Variants in GSE1 observed in about 807,000 individuals in gnomAD.
GSE1 encodes genetic suppressor element 1.
Under a neutral mutation model 112.6 loss-of-function variants are expected in GSE1, and 32 were observed. The observed-to-expected ratio is 0.28, with a 90% CI of 0.21 to 0.38. The LOEUF (loss-of-function observed/expected upper bound fraction) is 0.38, where lower values mean the gene tolerates loss of function less well. Ranked by LOEUF, GSE1 falls within the 10% of genes least tolerant of loss-of-function variation. The pLI is 1.00. For synonymous variants in GSE1, 1,115 were observed against 735.6 expected (o/e 1.52, Z -8.35); for missense variants, 2,348 against 1,699.2 (o/e 1.38, Z -6.71).
chr16:85,395,968 G>A (rs565851935), intron 2 of GSE1, among the ~76,000 whole-genome samples: 2 of 152,348 alleles, frequency 1.3e-5, no homozygotes, highest in African/African-American at 2.4e-5. Flanking sequence ...TCCCCCGGCT[G>A]GTATGTCCTC....
intron 2 of GSE1, among the ~76,000 whole-genome samples, chr16:85,510,408 G>A (rs980053402): frequency 1.8e-4 from 6 of 34,114 alleles, no homozygotes; most frequent in Admixed American, 7.1e-4. Flanking sequence ...CCGAGCGTGC[G>A]TGTGTGTGTG....
At chr16:85,651,210 G>A (rs1281876334) in intron 3 of GSE1, among the ~76,000 whole-genome samples, 4 of 151,754 alleles carry the variant, frequency 2.6e-5, no homozygotes, top group Admixed American at 2.0e-4. Flanking sequence ...CCCGGCTGCC[G>A]CTATCGGGGT....
intron 1 of GSE1, among the ~76,000 whole-genome samples, chr16:85,210,511 C>T (rs1208476386): frequency 6.6e-6 from 1 of 152,054 alleles, no homozygotes; most frequent in Non-Finnish European, 1.5e-5. Context: ...ATTGCTTGAG[C>T]CAGGGAGGTC....
At position 85,656,398 on chromosome 16, in the gene GSE1, CGTGA is replaced by C. The variant is rs765922839; in HGVS notation, c.1047_1050del (p.Glu350ValfsTer82). ...GAGGGAGCGCGAGCGCGAGCGCGAG[CGTGA>C]GCGTGAGGCTGACCGCGAGCGGGAG... On this transcript the variant is annotated frameshift_variant, in exon 7 of 16. Transcript: ENST00000253458. LOFTEE classifies it high-confidence loss of function. 556 of 1,462,140 alleles carry C rather than the reference CGTGA, an allele frequency of 3.8e-4. 7 individuals are homozygous for C. The East Asian group carries it at 0.012, about 31-fold the overall frequency. 90.6% of individuals were successfully genotyped at this position (1,462,140 alleles called of 1,614,324 possible).
At chr16:85,237,839 C>T (rs954089114) in intron 1 of GSE1, among the ~76,000 whole-genome samples, 6 of 137,180 alleles carry the variant, frequency 4.4e-5, no homozygotes, top group South Asian at 2.5e-4. Context: ...CTCTGTCCCC[C>T]GCAAAAAAAA....
rs1055987690 is a variant in GSE1 at position 85,429,938 on chromosome 16, G to A, written c.2464+72295G>A. Among the ~76,000 whole-genome samples the A allele has an allele frequency of 2.6e-5, 4 of 152,170 alleles. No individual in the cohort carries two copies. In the South Asian group the frequency reaches 8.3e-4, roughly 32 times the overall value. On this transcript the variant is annotated intron_variant, in intron 2 of 2. Coordinates refer to the GSE1 transcript ENST00000637419. ...CTCCACCAGTGACCTGTTCTCCTCC[G>A]TGCAGTTCCCAGGACTGTGAACAGA...
chr16:85,310,965 C>T (rs997839577), intron 1 of GSE1, among the ~76,000 whole-genome samples: 6 of 152,212 alleles, frequency 3.9e-5, no homozygotes, highest in Non-Finnish European at 8.8e-5. Context: ...CCCGCCGCTC[C>T]GCATCCTTCA....
At chr16:85,318,518 G>A (rs1015287141) in intron 1 of GSE1, among the ~76,000 whole-genome samples, 4 of 152,178 alleles carry the variant, frequency 2.6e-5, no homozygotes, top group Non-Finnish European at 5.9e-5. Context: ...TCCCTCCTGG[G>A]CCTCCCAAAG....
At chr16:85,348,577 G>A (rs925170233) in intron 1 of GSE1, among the ~76,000 whole-genome samples, 11 of 152,258 alleles carry the variant, frequency 7.2e-5, no homozygotes, top group African/African-American at 2.6e-4. Flanking sequence ...CCCTAACCCA[G>A]ACATCCGGGG....
intron 1 of GSE1, among the ~76,000 whole-genome samples, chr16:85,304,297 C>T (rs1370851918): frequency 1.3e-5 from 2 of 152,204 alleles, no homozygotes; most frequent in African/African-American, 4.8e-5. Flanking sequence ...GGCATGGTGT[C>T]TTTACTGACC....
chr16:85,661,972 G>T (rs903908176), intron 9 of GSE1, among the ~76,000 whole-genome samples: 1 of 152,224 alleles, frequency 6.6e-6, no homozygotes, highest in Non-Finnish European at 1.5e-5. Flanking sequence ...TGCCTGTCCT[G>T]CCTCGATGCA....
chr16:85,308,256 C>T (rs1199056421), intron 1 of GSE1, among the ~76,000 whole-genome samples: 1 of 152,124 alleles, frequency 6.6e-6, no homozygotes, highest in African/African-American at 2.4e-5. Flanking sequence ...AGAGGGAGAG[C>T]TGGGGACAGG....
At chr16:85,632,312 C>T (rs906281675) in intron 1 of GSE1, among the ~76,000 whole-genome samples, 13 of 152,232 alleles carry the variant, frequency 8.5e-5, no homozygotes, top group Admixed American at 2.0e-4. Context: ...GGAGAACAAA[C>T]GATGCCCCCC....
intron 2 of GSE1, among the ~76,000 whole-genome samples, chr16:85,372,055 C>G: frequency 6.6e-6 from 1 of 152,168 alleles, no homozygotes; most frequent in Non-Finnish European, 1.5e-5. Context: ...CCCTGGTGCT[C>G]CTAGTTCCCT....
At chr16:85,475,662 G>C (rs1397517446) in intron 2 of GSE1, among the ~76,000 whole-genome samples, 1 of 152,202 alleles carries the variant, frequency 6.6e-6, no homozygotes, top group Non-Finnish European at 1.5e-5. Context: ...AGGGGTCGAG[G>C]CCTGAAATTT....
chr16:85,429,104 A>G (rs2151756066), intron 2 of GSE1, among the ~76,000 whole-genome samples: 1 of 152,356 alleles, frequency 6.6e-6, no homozygotes, highest in South Asian at 2.1e-4. Flanking sequence ...AAACAGCCGC[A>G]GGAGCAGCAG....
intron 1 of GSE1, among the ~76,000 whole-genome samples, chr16:85,294,657 C>G (rs1597318046): frequency 8.5e-6 from 1 of 117,722 alleles, no homozygotes; most frequent in Non-Finnish European, 1.8e-5. Context: ...CTCTCTCTCT[C>G]TGTCTCTCTC....
rs1389930772 is a variant in GSE1 at position 85,466,699 on chromosome 16, TATAGAGAGAGAGAGGGAG to T, written c.2464+109058_2464+109075del. Reference sequence around the variant, plus strand: ...TTAAAAAAAAAAAGAAATATATATATATAGAGAGAGAGAGGGAGAGAGGGAGAGAGAGGGAGAGCGCAC... The same window carrying T: ...TTAAAAAAAAAAAGAAATATATATATAGAGGGAGAGAGAGGGAGAGCGCAC... On this transcript the variant is annotated intron_variant, in intron 2 of 2. Coordinates refer to the GSE1 transcript ENST00000637419. Among the ~76,000 whole-genome samples, 9 of 121,250 alleles carry T rather than the reference TATAGAGAGAGAGAGGGAG, an allele frequency of 7.4e-5. No homozygotes were observed. In the South Asian group the frequency reaches 1.3e-3, roughly 17 times the overall value. 79.5% of individuals were successfully genotyped at this position (121,250 alleles called of 152,430 possible). A position where few individuals can be genotyped will look rare whatever the true frequency, so the allele number is the denominator to read the frequency against.
chr16:85,484,210 C>T (rs775310589), intron 2 of GSE1, among the ~76,000 whole-genome samples: 14 of 152,190 alleles, frequency 9.2e-5, no homozygotes, highest in Non-Finnish European at 1.9e-4. Context: ...AAGACGTGGC[C>T]AGGGGCCAGT....
Sources: allele counts gnomAD v4.1 joint callset (sites outside exome capture counted in the v4.1 genomes callset), GRCh38; gene constraint gnomAD v4.1.1; transcripts MANE v1.5; gene names NCBI Gene and HGNC (gene_info 2026-07-23, HGNC 2026-07-21).